CHORDC1: variants seen among roughly 807,000 people sequenced by gnomAD.
CHORDC1 encodes the protein cysteine and histidine rich domain containing 1.
Under a neutral mutation model 48.3 loss-of-function variants are expected in CHORDC1, and 25 were observed. That is an observed-to-expected ratio of 0.52 (90% CI 0.38 to 0.72). CHORDC1 has a LOEUF of 0.72. Among genes scored for constraint, CHORDC1 ranks in the 30% least tolerant of loss-of-function variants. The pLI is 0.00. For missense variants in CHORDC1, 317 were observed against 388.7 expected (o/e 0.82, Z 1.55); for synonymous variants, 128 against 126.4 (o/e 1.01, Z -0.09).
chr11:90,203,654 C>T (rs1384848170), intron 8 of CHORDC1, among the ~76,000 whole-genome samples: 4 of 151,882 alleles, frequency 2.6e-5, no homozygotes, highest in African/African-American at 4.8e-5. Flanking sequence ...TTACTCCTTC[C>T]CTTTGTTTTT....
At position 90,215,208 on chromosome 11, in the gene CHORDC1, C is replaced by G. The variant is rs1857978011; in HGVS notation, c.137G>C (p.Arg46Thr). Residue 46 changes from arginine to threonine, a missense_variant, in exon 3 of 11, where the codon AGA becomes ACA. Arg to Thr is a moderately conservative substitution (Grantham distance 71). Coordinates refer to ENST00000320585, the MANE Select transcript of CHORDC1 (RefSeq NM_012124.3). ...ALKGWSCCKRRTTDFSDFLSI... is the reference protein window; with the variant it reads ...ALKGWSCCKRTTTDFSDFLSI... ...TAAGAAATCAGAAAAATCAGTTGTT[C>G]TTCTCTTACAGCAAGACCAACCCTA... is the stretch of plus-strand genomic sequence containing the variant. 1 of 1,562,508 alleles carries G rather than the reference C, an allele frequency of 6.4e-7. No individual in the cohort carries two copies. The highest frequency in any genetic ancestry group is 8.7e-7 in the Non-Finnish European group (1 of 1,148,882).
chr11:90,204,725 G>A (rs1340117407), intron 8 of CHORDC1, among the ~76,000 whole-genome samples: 4 of 151,924 alleles, frequency 2.6e-5, no homozygotes, highest in Non-Finnish European at 5.9e-5. Flanking sequence ...AAAAAAAGTG[G>A]GGGAGGGGCA....
intron 2 of CHORDC1, among the ~76,000 whole-genome samples, chr11:90,215,999 T>C (rs1858003768): frequency 6.6e-6 from 1 of 152,156 alleles, no homozygotes; most frequent in Non-Finnish European, 1.5e-5. Flanking sequence ...GGTAGTGATT[T>C]TTCTCATTAT....
intron 7 of CHORDC1, chr11:90,205,769 C>T: frequency 3.7e-6 from 2 of 542,522 alleles, no homozygotes; most frequent in Non-Finnish European, 6.5e-6. Flanking sequence ...CACAGTGCTG[C>T]ATTTCTATAA....
At chr11:90,210,724 AT>A in intron 5 of CHORDC1, 130 bp from the exon 6 acceptor site, 1 of 631,566 alleles carries the variant, frequency 1.6e-6, no homozygotes, top group South Asian at 2.0e-5. Context: ...ATTTGCTTAT[AT>A]CCCCAAATTG....
Position 90,215,192 on chromosome 11 carries a change from A to G in CHORDC1, c.153T>C (p.Ser51=), listed in dbSNP as rs1565171765. Residue 51 remains serine (S), a synonymous_variant, in exon 3 of 11, where the codon TCT becomes TCC. Transcript: ENST00000320585. ...TACTTACTACAATGCTTAAGAAATCAGAAAAATCAGTTGTTCTTCTCTTAC... is the reference window on the plus strand; with the variant it reads ...TACTTACTACAATGCTTAAGAAATCGGAAAAATCAGTTGTTCTTCTCTTAC... ...SCCKRRTTDF[S]DFLSIVGCTK... 10 of 1,555,612 alleles carry G rather than the reference A, an allele frequency of 6.4e-6. No homozygotes were observed. Among genetic ancestry groups the G allele is most frequent in the Non-Finnish European group, 8.7e-6 (10 of 1,143,718 alleles).
At chr11:90,203,800 C>T (rs1202262625) in intron 8 of CHORDC1, among the ~76,000 whole-genome samples, 2 of 152,044 alleles carry the variant, frequency 1.3e-5, no homozygotes, top group African/African-American at 4.8e-5. Flanking sequence ...AAATGAAAGA[C>T]ATTTGTTTAC....
intron 6 of CHORDC1, 61 bp from the exon 7 acceptor site, chr11:90,206,333 T>C: frequency 1.1e-6 from 1 of 903,290 alleles, no homozygotes; most frequent in Non-Finnish European, 1.8e-6. Context: ...ATCTCATACA[T>C]ATTTGCAGTA....
rs1376393417 is a variant in CHORDC1 at position 90,201,511 on chromosome 11, T to C, written c.*894A>G. ...TAAAGCAACTCCATATATTTAGTTT[T>C]CTGATATCCTAATGTATTTCCACAA... On this transcript the variant is annotated 3_prime_UTR_variant, in exon 11 of 11. Coordinates refer to ENST00000320585, the MANE Select transcript of CHORDC1 (RefSeq NM_012124.3). 6.6e-6 allele frequency: 1 copy of C among 152,290 alleles called. No homozygotes were observed. The highest frequency in any genetic ancestry group is 1.5e-5 in the Non-Finnish European group (1 of 67,892). The allele number at this position is 152,290 out of a possible 1,614,324, so 9.4% of individuals were successfully genotyped here. A position where few individuals can be genotyped will look rare whatever the true frequency, so the allele number is the denominator to read the frequency against.
At chr11:90,219,684 C>CT (rs1858115116) in intron 1 of CHORDC1, among the ~76,000 whole-genome samples, 1 of 152,198 alleles carries the variant, frequency 6.6e-6, no homozygotes, top group Non-Finnish European at 1.5e-5. Context: ...GTAAGGAATA[C>CT]TTTTAGTAAA....
chr11:90,218,561 A>G (rs914461396), intron 1 of CHORDC1, among the ~76,000 whole-genome samples: 1 of 152,242 alleles, frequency 6.6e-6, no homozygotes, highest in Non-Finnish European at 1.5e-5. Flanking sequence ...TCTTATGTGC[A>G]TTCATCCATA....
At position 90,222,922 on chromosome 11, in the gene CHORDC1, A is replaced by C; in HGVS notation, c.33T>G (p.Gly11=). The C allele has an allele frequency of 6.2e-7, 1 of 1,614,124 alleles. No individual in the cohort carries two copies. The highest frequency in any genetic ancestry group is 1.1e-5 in the South Asian group (1 of 91,074). The change falls in exon 1 of 11, where the codon GGT becomes GGG. Residue 11 remains glycine (G), a synonymous_variant. Transcript: ENST00000320585. The stretch of plus-strand genomic sequence containing the variant: ...AATTGGTCTCAGGATCGAAGCGCTG[A>C]CCGCAGCCCCGGTTGTAGCACAGCA... The part of the protein sequence containing the change: MALLCYNRGC[G]QRFDPETNSD...
intron 5 of CHORDC1, chr11:90,210,905 T>C (rs1280951894): frequency 6.1e-6 from 2 of 328,700 alleles, no homozygotes; most frequent in African/African-American, 2.2e-5. Flanking sequence ...ATAGTGAATA[T>C]ATTTTGTATA....
intron 6 of CHORDC1, chr11:90,206,857 GC>G: frequency 1.2e-6 from 1 of 832,376 alleles, no homozygotes; most frequent in Non-Finnish European, 1.7e-6. Context: ...CATGGATGTA[GC>G]CAGTAGTATA....
chr11:90,202,356 A>G lies in CHORDC1; in HGVS notation c.*49T>C, dbSNP rs751156735. On this transcript the variant is annotated 3_prime_UTR_variant, in exon 11 of 11. Transcript: ENST00000320585. ...ACAGCAGCAAGCCACCACTTCACACAGTATTAAAAATTCGGAAATAATGTA... is the reference window on the plus strand; with the variant it reads ...ACAGCAGCAAGCCACCACTTCACACGGTATTAAAAATTCGGAAATAATGTA... The G allele has an allele frequency of 5.8e-6, 9 of 1,545,406 alleles. No homozygotes were observed. In the East Asian group the frequency reaches 1.6e-4, roughly 27 times the overall value.
chr11:90,218,012 C>A, intron 2 of CHORDC1, 123 bp downstream of exon 2: 1 of 604,780 alleles, frequency 1.7e-6, no homozygotes, highest in Non-Finnish European at 2.7e-6. Flanking sequence ...AAAGCACCTC[C>A]CCCGCAAAGG....
intron 1 of CHORDC1, among the ~76,000 whole-genome samples, chr11:90,221,070 C>T (rs1182363426): frequency 6.6e-6 from 1 of 151,676 alleles, no homozygotes; most frequent in East Asian, 1.9e-4. Flanking sequence ...TCAACGAGCA[C>T]GGTAATTATG....
intron 3 of CHORDC1, among the ~76,000 whole-genome samples, chr11:90,214,813 G>C (rs1334457031): frequency 6.6e-6 from 1 of 151,806 alleles, no homozygotes; most frequent in African/African-American, 2.4e-5. Flanking sequence ...TATATAAAGT[G>C]GTTTTATATA....
intron 1 of CHORDC1, among the ~76,000 whole-genome samples, chr11:90,221,807 T>C (rs1381401022): frequency 2.0e-5 from 3 of 152,224 alleles, no homozygotes; most frequent in East Asian, 3.9e-4. Flanking sequence ...AATAACGCTA[T>C]CAATTTACCT....
Sources: gnomAD v4.1 joint callset for allele counts (sites outside exome capture counted in the v4.1 genomes callset) on GRCh38, gnomAD v4.1.1 for gene constraint, MANE v1.5 for transcripts, NCBI Gene and HGNC (gene_info 2026-07-23, HGNC 2026-07-21) for gene names.